Variants in TENM3 observed in about 807,000 individuals in gnomAD.
TENM3 encodes the protein teneurin-3.
In TENM3, 63 loss-of-function variants were observed where a neutral mutation model predicts 255.1. That is an observed-to-expected ratio of 0.25 (90% CI 0.20 to 0.30). The LOEUF is 0.30. TENM3 is among the 10% of genes least tolerant of loss of function. The pLI is 1.00. For missense variants in TENM3, 2,929 were observed against 3,461.1 expected, an observed-to-expected ratio of 0.85 and a Z score of 3.86; for synonymous variants, 1,306 against 1,322.3, an observed-to-expected ratio of 0.99 and a Z score of 0.27.
At chr4:181,511,368 G>T in the TENM3 span, among the ~76,000 whole-genome samples, 69 of 152,292 alleles carry the variant, frequency 4.5e-4, no homozygotes, top group African/African-American at 1.6e-3. Context: ...TTGCCCAAGG[G>T]ATCCTAGCAT....
At chr4:182,303,754 AC>A (rs1415427653) in intron 1 of TENM3, among the ~76,000 whole-genome samples, 5 of 152,194 alleles carry the variant, frequency 3.3e-5, no homozygotes, top group African/African-American at 1.2e-4. Context: ...TGTAAAGTGG[AC>A]ATTTAATGAG....
chr4:182,409,451 C>A (rs1769821201), intron 3 of TENM3, among the ~76,000 whole-genome samples: 2 of 152,198 alleles, frequency 1.3e-5, no homozygotes, highest in South Asian at 4.1e-4. Flanking sequence ...GTAATAGCCC[C>A]AGGAGCTTTG....
At chr4:181,885,351 C>T in the TENM3 span, among the ~76,000 whole-genome samples, 2 of 152,214 alleles carry the variant, frequency 1.3e-5, no homozygotes, top group African/African-American at 4.8e-5. Flanking sequence ...CAACCTCCTC[C>T]TCCCGGGTTC....
intron 3 of TENM3, among the ~76,000 whole-genome samples, chr4:182,584,038 G>A (rs1415579667): frequency 6.6e-6 from 1 of 152,140 alleles, no homozygotes; most frequent in Non-Finnish European, 1.5e-5. Flanking sequence ...TTTTACTGCA[G>A]TTTTAAGAAT....
chr4:182,227,334 T>A (rs1439606586), intron 1 of TENM3, among the ~76,000 whole-genome samples: 1 of 152,184 alleles, frequency 6.6e-6, no homozygotes, highest in Non-Finnish European at 1.5e-5. Flanking sequence ...CACAGTCATG[T>A]AGCCATAGGG....
the TENM3 span, among the ~76,000 whole-genome samples, chr4:181,457,440 T>C: frequency 1.3e-5 from 2 of 151,854 alleles, no homozygotes; most frequent in Non-Finnish European, 2.9e-5. Flanking sequence ...GTAGTCATTT[T>C]TTTTTGTTTG....
chr4:182,296,416 G>A (rs1391417417), intron 1 of TENM3, among the ~76,000 whole-genome samples: 3 of 152,148 alleles, frequency 2.0e-5, no homozygotes, highest in African/African-American at 7.2e-5. Context: ...TGTACTTGAA[G>A]GCTATGGGTT....
chr4:182,025,019 C>CTTT, the TENM3 span, among the ~76,000 whole-genome samples: 23 of 92,190 alleles, frequency 2.5e-4, no homozygotes, highest in African/African-American at 7.5e-4. Flanking sequence ...GACAGGATTT[C>CTTT]ATTTTTTTTT....
the TENM3 span, among the ~76,000 whole-genome samples, chr4:181,904,220 T>TATC: frequency 6.6e-6 from 1 of 152,116 alleles, no homozygotes; most frequent in East Asian, 1.9e-4. Context: ...TGCAAGCCAC[T>TATC]ATCAGTCCTC....
intron 1 of TENM3, among the ~76,000 whole-genome samples, chr4:182,165,613 CA>C (rs961214049): frequency 6.8e-4 from 103 of 152,284 alleles, no homozygotes; most frequent in African/African-American, 2.3e-3. Context: ...ACCAACTTTC[CA>C]TCAGGAACTC....
At chr4:181,510,117 A>G in the TENM3 span, among the ~76,000 whole-genome samples, 1 of 152,244 alleles carries the variant, frequency 6.6e-6, no homozygotes, top group Non-Finnish European at 1.5e-5. Context: ...TACAATGCTT[A>G]TTACATAAAA....
the TENM3 span, among the ~76,000 whole-genome samples, chr4:181,829,411 G>T: frequency 6.6e-6 from 1 of 152,214 alleles, no homozygotes; most frequent in Non-Finnish European, 1.5e-5. Flanking sequence ...TGTTAAAGGG[G>T]ATGACCTGCT....
the TENM3 span, among the ~76,000 whole-genome samples, chr4:181,808,374 A>G: frequency 6.6e-6 from 1 of 152,228 alleles, no homozygotes; most frequent in Admixed American, 6.5e-5. Context: ...TAGTTTGATG[A>G]CATATGGCAT....
intron 3 of TENM3, among the ~76,000 whole-genome samples, chr4:182,419,858 C>T (rs377260200): frequency 3.8e-5 from 4 of 105,226 alleles, no homozygotes; most frequent in Admixed American, 1.2e-4. Context: ...CATCACACAC[C>T]GGGGCCTGTC....
the TENM3 span, among the ~76,000 whole-genome samples, chr4:181,522,015 G>A: frequency 6.7e-6 from 1 of 148,808 alleles, no homozygotes; most frequent in Non-Finnish European, 1.5e-5. Context: ...GCAGGAGAAT[G>A]GCGTGAACGC....
At chr4:181,678,831 A>T in the TENM3 span, among the ~76,000 whole-genome samples, 1 of 86,692 alleles carries the variant, frequency 1.2e-5, no homozygotes, top group Non-Finnish European at 2.5e-5. Context: ...CTTCCCAAGA[A>T]TGTTTTAAAC....
intron 3 of TENM3, among the ~76,000 whole-genome samples, chr4:182,493,758 C>T (rs1279505376): frequency 1.3e-5 from 2 of 152,062 alleles, no homozygotes; most frequent in Non-Finnish European, 2.9e-5. Context: ...AATGCTAAGA[C>T]TTGATTTCAT....
At chr4:182,658,769 C>T (rs1192997097) in intron 6 of TENM3, among the ~76,000 whole-genome samples, 1 of 152,146 alleles carries the variant, frequency 6.6e-6, no homozygotes, top group Non-Finnish European at 1.5e-5. Flanking sequence ...CAAGGTTAAC[C>T]AAAGGCTCCA....
the TENM3 span, chr4:182,012,540 C>T: frequency 6.6e-6 from 1 of 152,224 alleles, no homozygotes; most frequent in South Asian, 2.1e-4. Flanking sequence ...GAAGCTAAAG[C>T]TTTCACTAAA....
Sources: allele counts gnomAD v4.1 joint callset (sites outside exome capture counted in the v4.1 genomes callset), GRCh38; gene constraint gnomAD v4.1.1; transcripts MANE v1.5; gene names NCBI Gene and HGNC (gene_info 2026-07-23, HGNC 2026-07-21).